The following NPC1 variants were observed in gnomAD, a reference collection of about 807,000 sequenced individuals.
NPC1 encodes the protein Niemann-Pick C1 protein.
Under a neutral mutation model 140.4 loss-of-function variants are expected in NPC1, and 85 were observed. That is an observed-to-expected ratio of 0.61 (90% CI 0.51 to 0.72). The LOEUF is 0.72. Among genes scored for constraint, NPC1 ranks in the 30% least tolerant of loss-of-function variants. The pLI is 0.00. For synonymous variants in NPC1, 656 were observed against 624.8 expected (o/e 1.05, Z -0.74); for missense variants, 1,504 against 1,623.8 (o/e 0.93, Z 1.27).
chr18:23,537,067 CTTCT>C (rs1003659123), intron 20 of NPC1, among the ~76,000 whole-genome samples, 191 bp from the exon 21 acceptor site: 1 of 151,794 alleles, frequency 6.6e-6, no homozygotes, highest in Non-Finnish European at 1.5e-5. Context: ...CCCAGACTGG[CTTCT>C]TTTTTTTTTT....
chr18:23,534,633 T>C, intron 22 of NPC1, 74 bp from the exon 23 acceptor site: 1 of 1,201,544 alleles, frequency 8.3e-7, no homozygotes, highest in Non-Finnish European at 1.2e-6. Context: ...GTTCTGAGGA[T>C]GGGTGCTAAT....
chr18:23,549,928 A>G (rs570297629), intron 10 of NPC1, among the ~76,000 whole-genome samples: 1 of 150,922 alleles, frequency 6.6e-6, no homozygotes, highest in African/African-American at 2.4e-5. Context: ...TATTTTCAGT[A>G]GAGACAGGGT....
intron 3 of NPC1, chr18:23,516,513 C>T (rs2058009263): frequency 1.5e-6 from 2 of 1,329,674 alleles, no homozygotes; most frequent in South Asian, 1.2e-5. Context: ...CACGTGATGC[C>T]CTGACCCCTA....
intron 3 of NPC1, chr18:23,516,563 T>C (rs565033590): frequency 1.3e-6 from 1 of 794,774 alleles, no homozygotes; most frequent in East Asian, 2.7e-5. Flanking sequence ...GGGTATTCAG[T>C]GTATAGGTCC....
intron 10 of NPC1, among the ~76,000 whole-genome samples, chr18:23,548,718 A>G (rs1598963227): frequency 6.6e-6 from 1 of 152,208 alleles, no homozygotes; most frequent in African/African-American, 2.4e-5. Context: ...TTACAAAGTT[A>G]CTATAAATAG....
chr18:23,534,542 C>T lies in NPC1; in HGVS notation c.3495G>A (p.Val1165=), dbSNP rs917246723. 62 of 1,613,804 alleles carry T rather than the reference C, an allele frequency of 3.8e-5. No homozygotes were observed. The highest frequency in any genetic ancestry group is 5.3e-5 in the Non-Finnish European group (62 of 1,179,904). The change falls in exon 23 of 25, where the codon GTG becomes GTA. Residue 1165 remains valine, a synonymous_variant. Coordinates refer to ENST00000269228, the MANE Select transcript of NPC1 (RefSeq NM_000271.5). The part of the protein sequence containing the change: ...VNLVMSCGIS[V]EFCSHITRAF... ...CTCTGGTTATGTGGCTGCAGAACTC[C>T]ACGGAGATGCCACAGCTCTGAAATA...
rs1555631176 is a variant in NPC1 at position 23,532,266 on chromosome 18, GCTTT to G, written c.3769_3772del (p.Lys1257ProfsTer19). 1 of 1,614,082 alleles carries G rather than the reference GCTTT, an allele frequency of 6.2e-7. No individual in the cohort carries two copies. The highest frequency in any genetic ancestry group is 1.1e-5 in the South Asian group (1 of 91,080). On this transcript the variant is annotated frameshift_variant, in exon 25 of 25. Coordinates refer to ENST00000269228, the MANE Select transcript of NPC1 (RefSeq NM_000271.5). LOFTEE classifies it high-confidence loss of function. The stretch of plus-strand genomic sequence containing the variant: ...TCGCTCTTCAGTGGCACAACTTTTG[GCTTT>G]ATTTACTGATGGCCCTATGAGAGAG...
chr18:23,541,219 A>T lies in NPC1; in HGVS notation c.2374-11T>A. ...GTCTAGCCGATTTTTCTGAGGGGACAGAGGGAAACAAAGGTTATACCCGCT... is the reference window on the plus strand; with the variant it reads ...GTCTAGCCGATTTTTCTGAGGGGACTGAGGGAAACAAAGGTTATACCCGCT... On this transcript the variant is annotated splice_polypyrimidine_tract_variant and intron_variant, in intron 15 of 24. Transcript: ENST00000269228. The T allele has an allele frequency of 6.2e-7, 1 of 1,614,244 alleles. No individual in the cohort carries two copies. The highest frequency in any genetic ancestry group is 8.5e-7 in the Non-Finnish European group (1 of 1,180,040).
chr18:23,561,635 CATGCTGGA>C (rs1476098020), intron 4 of NPC1, 108 bp from the exon 5 acceptor site: 2 of 1,092,030 alleles, frequency 1.8e-6, no homozygotes, highest in East Asian at 4.7e-5. Flanking sequence ...CCATATGCAC[CATGCTGGA>C]ATGCTGGACA....
exon 2 of NPC1, chr18:23,522,591 A>G (rs2145226900): frequency 6.6e-6 from 1 of 152,470 alleles, no homozygotes; most frequent in Middle Eastern, 3.4e-3. Flanking sequence ...AACATTGGAC[A>G]CCCCTGGCTT....
At chr18:23,538,063 G>A (rs919024729) in intron 20 of NPC1, among the ~76,000 whole-genome samples, 8 of 152,184 alleles carry the variant, frequency 5.3e-5, no homozygotes, top group African/African-American at 1.9e-4. Flanking sequence ...GGCTGGATGG[G>A]GGAGTGAGAT....
At chr18:23,518,391 C>G (rs2058064282), downstream of NPC1, among the ~76,000 whole-genome samples, 1 of 151,884 alleles carries the variant, frequency 6.6e-6, no homozygotes, top group Non-Finnish European at 1.5e-5. Context: ...ACTGGGGAGG[C>G]TGAGGTGAGG....
chr18:23,577,142 G>A (rs1186508045), intron 1 of NPC1, among the ~76,000 whole-genome samples: 2 of 143,020 alleles, frequency 1.4e-5, no homozygotes, highest in Non-Finnish European at 3.0e-5. Context: ...GTTCTCCAAG[G>A]CCCCACCAGA....
chr18:23,576,450 C>T, intron 1 of NPC1: 1 of 985,632 alleles, frequency 1.0e-6, no homozygotes, highest in Non-Finnish European at 1.2e-6. Flanking sequence ...CCGAAAGAAG[C>T]AACCTAAGCC....
rs2058874805 is a variant in NPC1, at chr18:23,551,678, C to A, written c.1603G>T (p.Gly535Cys). ...DTSLLHDPCL[G>C]TFGGPVFPWL... ...GGGAACACTGGTCCACCAAACGTAC[C>A]CAGACAAGGGTCATGGAGCAAACTT... The change falls in exon 10 of 25, where the codon GGT becomes TGT. Residue 535 changes from glycine to cysteine, a missense_variant. By Grantham distance (159) the Gly-to-Cys change is radical. Coordinates refer to ENST00000269228, the MANE Select transcript of NPC1 (RefSeq NM_000271.5). 6.2e-7 allele frequency: 1 copy of A among 1,614,084 alleles called. No homozygotes were observed. The highest frequency in any genetic ancestry group is 8.5e-7 in the Non-Finnish European group (1 of 1,180,048).
downstream of NPC1, chr18:23,519,066 C>T (rs2058080932): frequency 6.2e-7 from 1 of 1,613,908 alleles, no homozygotes; most frequent in African/African-American, 1.3e-5. Flanking sequence ...TTCTATCCTA[C>T]AGAGAAGGTG....
chr18:23,508,541 A>G (rs2057770013), intron 3 of NPC1: 1 of 152,532 alleles, frequency 6.6e-6, no homozygotes, highest in African/African-American at 2.4e-5. Context: ...AAACTAGGCT[A>G]GAGGGAGCTG....
downstream of NPC1, chr18:23,524,534 G>T (rs1482089704): frequency 1.3e-6 from 2 of 1,582,690 alleles, no homozygotes; most frequent in African/African-American, 1.3e-5. Flanking sequence ...TGTTGACTTT[G>T]GATCCCAGTT....
chr18:23,550,744 C>T (rs550753963), intron 10 of NPC1, among the ~76,000 whole-genome samples: 6 of 152,068 alleles, frequency 3.9e-5, no homozygotes, highest in African/African-American at 9.7e-5. Flanking sequence ...CCTCGGCCTC[C>T]GAAAGTGCTG....
Sources: allele counts gnomAD v4.1 joint callset (sites outside exome capture counted in the v4.1 genomes callset), GRCh38; gene constraint gnomAD v4.1.1; transcripts MANE v1.5; gene names NCBI Gene and HGNC (gene_info 2026-07-23, HGNC 2026-07-21).